The following SPA17 variants were observed in gnomAD, a reference collection of about 807,000 sequenced individuals.
SPA17 encodes the protein sperm surface protein Sp17.
SPA17 carries 7 observed loss-of-function variants against 13.8 expected under a neutral mutation model. The ratio of observed to expected loss-of-function variants is 0.51; its 90% confidence interval spans 0.29 to 0.95. The LOEUF (loss-of-function observed/expected upper bound fraction) is 0.95, where lower values mean the gene tolerates loss of function less well. Among genes scored for constraint, SPA17 ranks in the 40% least tolerant of loss-of-function variants. SPA17 has a pLI of 0.08. For missense variants in SPA17, 170 were observed against 179.3 expected, an observed-to-expected ratio of 0.95 and a Z score of 0.30; for synonymous variants, 61 against 59.0, an observed-to-expected ratio of 1.03 and a Z score of -0.16.
chr11:124,692,603 G>T (rs1027585546), intron 4 of SPA17, among the ~76,000 whole-genome samples: 6 of 152,022 alleles, frequency 3.9e-5, no homozygotes, highest in African/African-American at 1.4e-4. Context: ...AAAAGACATA[G>T]CGAAGTCCAC....
chr11:124,682,017 T>G (rs1943534488), intron 3 of SPA17, among the ~76,000 whole-genome samples: 1 of 152,144 alleles, frequency 6.6e-6, no homozygotes, highest in African/African-American at 2.4e-5. Context: ...TAAAGCTAGC[T>G]TTTTCAGAGT....
At position 124,694,599 on chromosome 11, in the gene SPA17, A is replaced by G. The variant is rs1943655819; in HGVS notation, c.*153A>G. On this transcript the variant is annotated 3_prime_UTR_variant, in exon 5 of 5. Coordinates refer to ENST00000227135, the MANE Select transcript of SPA17 (RefSeq NM_017425.4). ...ATCTGTCATGAGCATTTGTTTAATA[A>G]GCATACCATTGAAACATGCCACTTG... The G allele has an allele frequency of 9.9e-7, 1 of 1,012,650 alleles. No homozygotes were observed. Among genetic ancestry groups the G allele is most frequent in the African/African-American group, 1.6e-5 (1 of 61,610 alleles). 62.7% of individuals were successfully genotyped at this position (1,012,650 alleles called of 1,614,324 possible). A position where few individuals can be genotyped will look rare whatever the true frequency, so the allele number is the denominator to read the frequency against.
chr11:124,684,822 C>T (rs1290751371), intron 3 of SPA17, among the ~76,000 whole-genome samples: 9 of 152,188 alleles, frequency 5.9e-5, no homozygotes, highest in East Asian at 3.9e-4. Flanking sequence ...GTAAAGGTCA[C>T]TCTTACTATG....
chr11:124,694,501 T>C lies in SPA17; in HGVS notation c.*55T>C. ...AAAAATAATCCAAATCCATCAACCT[T>C]CTTATTAATGTCATTTCTTCCTGAG... On this transcript the variant is annotated 3_prime_UTR_variant, in exon 5 of 5. Coordinates refer to ENST00000227135, the MANE Select transcript of SPA17 (RefSeq NM_017425.4). 6.5e-7 allele frequency: 1 copy of C among 1,544,064 alleles called. No individual in the cohort carries two copies.
chr11:124,673,968 C>T lies in SPA17; in HGVS notation c.-28+16C>T, dbSNP rs1337242206. 5 of 553,920 alleles carry T rather than the reference C, an allele frequency of 9.0e-6. No individual in the cohort carries two copies. The highest frequency in any genetic ancestry group is 1.6e-5 in the Non-Finnish European group (5 of 310,102). 34.3% of individuals were successfully genotyped at this position (553,920 alleles called of 1,614,324 possible). ...GAGAAAGGAGGTGAGGCCGCTTCCC[C>T]ACTTCCTCTCCGATACCAAGACCTA... On this transcript the variant is annotated intron_variant, in intron 1 of 4. Transcript: ENST00000227135.
intron 3 of SPA17, among the ~76,000 whole-genome samples, chr11:124,689,966 A>G (rs1943610487): frequency 6.6e-6 from 1 of 152,190 alleles, no homozygotes; most frequent in African/African-American, 2.4e-5. Flanking sequence ...ATAATAACAG[A>G]TACTGGCAAG....
At chr11:124,674,033 G>A in intron 1 of SPA17, 81 bp downstream of exon 1, 1 of 332,070 alleles carries the variant, frequency 3.0e-6, no homozygotes, top group South Asian at 4.0e-5. Flanking sequence ...CAGCATCCCA[G>A]ACACAGCCTC....
chr11:124,678,316 A>G (rs1011035239), intron 2 of SPA17, among the ~76,000 whole-genome samples: 1 of 152,118 alleles, frequency 6.6e-6, no homozygotes, highest in Non-Finnish European at 1.5e-5. Flanking sequence ...AGATGGGGAA[A>G]AGTGTGCTTA....
intron 3 of SPA17, among the ~76,000 whole-genome samples, chr11:124,685,932 G>C (rs192950115): frequency 6.0e-4 from 91 of 152,240 alleles, no homozygotes; most frequent in Non-Finnish European, 1.1e-3. Flanking sequence ...CAGGCTCATA[G>C]GCATAAGGAA....
chr11:124,682,698 AT>A (rs1378345583), intron 3 of SPA17, among the ~76,000 whole-genome samples: 1 of 152,286 alleles, frequency 6.6e-6, no homozygotes, highest in African/African-American at 2.4e-5. Flanking sequence ...TAAGACAAAA[AT>A]AAAAAAGAAT....
intron 3 of SPA17, among the ~76,000 whole-genome samples, chr11:124,686,009 T>C (rs1222638399): frequency 6.6e-6 from 1 of 152,136 alleles, no homozygotes; most frequent in Non-Finnish European, 1.5e-5. Context: ...AGTTAAGACT[T>C]TGGGAGACTG....
intron 2 of SPA17, 171 bp downstream of exon 2, chr11:124,675,589 T>C (rs1943452220): frequency 4.9e-6 from 3 of 614,378 alleles, no homozygotes; most frequent in Non-Finnish European, 8.0e-6. Flanking sequence ...TATGTTCTCT[T>C]AAATTCGTTT....
At position 124,675,440 on chromosome 11, in the gene SPA17, A is replaced by AT. The variant is rs764841789; in HGVS notation, c.154+28dup. The stretch of plus-strand genomic sequence containing the variant: ...GAGAGTAAGCTTTCTAAAATTAGTC[A>AT]TTTTTTAAAATAAGAAACTAAGCAT... On this transcript the variant is annotated intron_variant, in intron 2 of 4. Coordinates refer to ENST00000227135, the MANE Select transcript of SPA17 (RefSeq NM_017425.4). 4.4e-6 allele frequency: 7 copies of AT among 1,600,142 alleles called. No homozygotes were observed. The East Asian group carries it at 1.6e-4, about 36-fold the overall frequency.
At chr11:124,680,658 ATGG>A (rs1357341331) in intron 2 of SPA17, among the ~76,000 whole-genome samples, 5 of 152,190 alleles carry the variant, frequency 3.3e-5, no homozygotes, top group Admixed American at 1.3e-4. Flanking sequence ...AAGTATGATA[ATGG>A]TGGTGTGGTT....
intron 3 of SPA17, among the ~76,000 whole-genome samples, chr11:124,684,765 G>A (rs1347303584): frequency 6.6e-6 from 1 of 152,184 alleles, no homozygotes; most frequent in Non-Finnish European, 1.5e-5. Flanking sequence ...ACAAAGTCCA[G>A]GCTAAGGTGG....
At chr11:124,677,560 C>T (rs1943482214) in intron 2 of SPA17, among the ~76,000 whole-genome samples, 1 of 152,034 alleles carries the variant, frequency 6.6e-6, no homozygotes, top group Non-Finnish European at 1.5e-5. Context: ...ATGAATTTCT[C>T]TATAAGAGAA....
intron 3 of SPA17, among the ~76,000 whole-genome samples, chr11:124,684,812 G>A (rs1943562259): frequency 6.6e-6 from 1 of 152,218 alleles, no homozygotes; most frequent in Admixed American, 6.5e-5. Flanking sequence ...GAGAACTGGA[G>A]TAAAGGTCAC....
In SPA17 at chr11:124,696,773, T is replaced by A. The variant is rs761318904; in HGVS notation, c.*2327T>A. On this transcript the variant is annotated 3_prime_UTR_variant, in exon 5 of 5. Transcript: ENST00000227135. ...GTTTCATAGCTTTAAAATCCAATCT[T>A]CTTAATGATCACTCCCAGACCTTTC... 4 of 152,204 alleles carry A rather than the reference T, an allele frequency of 2.6e-5. No individual in the cohort carries two copies. The highest frequency in any genetic ancestry group is 5.9e-5 in the Non-Finnish European group (4 of 68,042). The allele number at this position is 152,204 out of a possible 1,614,324, so 9.4% of individuals were successfully genotyped here.
chr11:124,688,599 G>T (rs1943596764), intron 3 of SPA17, among the ~76,000 whole-genome samples: 1 of 152,124 alleles, frequency 6.6e-6, no homozygotes, highest in Non-Finnish European at 1.5e-5. Flanking sequence ...CAAGCAAATG[G>T]AAAAGCATCA....
Sources: gnomAD v4.1 joint callset for allele counts (sites outside exome capture counted in the v4.1 genomes callset) on GRCh38, gnomAD v4.1.1 for gene constraint, MANE v1.5 for transcripts, NCBI Gene and HGNC (gene_info 2026-07-23, HGNC 2026-07-21) for gene names.